MTUS2: variants seen among roughly 807,000 people sequenced by gnomAD.
MTUS2 encodes the protein microtubule-associated tumor suppressor candidate 2.
A neutral mutation model predicts 114.1 loss-of-function variants in MTUS2; 40 were observed. The observed-to-expected ratio is 0.35, with a 90% CI of 0.27 to 0.46. MTUS2 has a LOEUF of 0.46. Among genes scored for constraint, MTUS2 ranks in the 20% least tolerant of loss-of-function variants. The pLI, the probability that MTUS2 is intolerant of heterozygous loss-of-function variation, is 1.00. For missense variants in MTUS2, 1,679 were observed against 1,705.4 expected, an observed-to-expected ratio of 0.98 and a Z score of 0.27; for synonymous variants, 688 against 672.0, an observed-to-expected ratio of 1.02 and a Z score of -0.37.
At chr13:29,372,938 G>C (rs1871309593) in intron 8 of MTUS2, among the ~76,000 whole-genome samples, 1 of 152,178 alleles carries the variant, frequency 6.6e-6, no homozygotes, top group Non-Finnish European at 1.5e-5. Context: ...AGCTATTTGA[G>C]AACTTAAAAG....
At chr13:29,068,582 G>A (rs528679385) in intron 4 of MTUS2, among the ~76,000 whole-genome samples, 24 of 152,316 alleles carry the variant, frequency 1.6e-4, no homozygotes, top group Non-Finnish European at 3.2e-4. Context: ...CCATGTAATT[G>A]ACTGTTGTGA....
intron 1 of MTUS2, among the ~76,000 whole-genome samples, chr13:28,833,620 C>G (rs1443000004): frequency 6.6e-6 from 1 of 152,098 alleles, no homozygotes; most frequent in Non-Finnish European, 1.5e-5. Context: ...TTGTGAAAGA[C>G]TGTTTTCCTC....
intron 6 of MTUS2, among the ~76,000 whole-genome samples, chr13:29,321,346 G>A (rs1326339311): frequency 6.6e-6 from 1 of 152,180 alleles, no homozygotes; most frequent in Non-Finnish European, 1.5e-5. Context: ...AGCATTTCTA[G>A]ACACTCAGGG....
intron 6 of MTUS2, among the ~76,000 whole-genome samples, chr13:29,321,993 A>G (rs984161480): frequency 2.0e-5 from 3 of 152,214 alleles, no homozygotes; most frequent in African/African-American, 7.2e-5. Flanking sequence ...CCTGGTTTGA[A>G]TATGCCACAG....
intron 7 of MTUS2, 84 bp from the exon 8 acceptor site, chr13:29,359,178 C>T: frequency 1.6e-6 from 2 of 1,285,984 alleles, no homozygotes; most frequent in South Asian, 1.5e-5. Flanking sequence ...ACTTGAAGAA[C>T]TCCTTGTGTA....
In MTUS2 at chr13:29,283,210, C is replaced by G. The variant is rs116238476; in HGVS notation, c.2806+1345C>G. Among the ~76,000 whole-genome samples, 361 of 152,330 alleles carry G rather than the reference C, an allele frequency of 2.4e-3. 2 individuals are homozygous for G. The highest frequency in any genetic ancestry group is 8.4e-3 in the African/African-American group (349 of 41,578). ...CTTTTACTTTGCATCTCCCTGACCACTAGACTAGCTGGAACCTCTTGCTCT... is the reference window on the plus strand; with the variant it reads ...CTTTTACTTTGCATCTCCCTGACCAGTAGACTAGCTGGAACCTCTTGCTCT... On this transcript the variant is annotated intron_variant, in intron 6 of 15. Coordinates refer to ENST00000612955, the MANE Select transcript of MTUS2 (RefSeq NM_001033602.4).
intron 2 of MTUS2, among the ~76,000 whole-genome samples, chr13:28,879,390 AT>A (rs1878151170): frequency 6.6e-6 from 1 of 152,190 alleles, no homozygotes; most frequent in Non-Finnish European, 1.5e-5. Flanking sequence ...GTGGGAAGCA[AT>A]TTAATTACTA....
At chr13:29,330,190 A>G (rs1457872543) in intron 7 of MTUS2, among the ~76,000 whole-genome samples, 2 of 151,958 alleles carry the variant, frequency 1.3e-5, no homozygotes, top group African/African-American at 4.8e-5. Context: ...GCATTTCGCT[A>G]ATGACCAGCT....
At chr13:28,947,245 C>T (rs1272383416) in intron 2 of MTUS2, among the ~76,000 whole-genome samples, 1 of 152,008 alleles carries the variant, frequency 6.6e-6, no homozygotes, top group Admixed American at 6.6e-5. Context: ...AAGAGTGTCG[C>T]TGCTTGAAAG....
At chr13:28,889,092 G>A (rs889288303) in intron 2 of MTUS2, among the ~76,000 whole-genome samples, 2 of 152,090 alleles carry the variant, frequency 1.3e-5, no homozygotes, top group Non-Finnish European at 2.9e-5. Flanking sequence ...GAATCCATTT[G>A]TTTTAATTTC....
chr13:28,918,329 A>G (rs1880858445), intron 2 of MTUS2, among the ~76,000 whole-genome samples: 1 of 151,998 alleles, frequency 6.6e-6, no homozygotes. Flanking sequence ...AGCTCCAATA[A>G]TATTAGCTTT....
intron 8 of MTUS2, among the ~76,000 whole-genome samples, chr13:29,387,610 T>G (rs1043124969): frequency 2.0e-5 from 3 of 152,104 alleles, no homozygotes; most frequent in African/African-American, 7.2e-5. Context: ...CGAGGGGCTG[T>G]TAAAGGAACA....
chr13:29,071,409 ATTTTTTTTTTTTT>A (rs751020009), intron 4 of MTUS2, among the ~76,000 whole-genome samples: 72 of 46,148 alleles, frequency 1.6e-3, no homozygotes, highest in African/African-American at 6.5e-3. Flanking sequence ...TGTTGCTTGA[ATTTTTTTTTTTTT>A]TTTTTTTTTT....
At chr13:29,266,423 CA>C (rs1200549293) in intron 5 of MTUS2, among the ~76,000 whole-genome samples, 3 of 152,022 alleles carry the variant, frequency 2.0e-5, no homozygotes, top group Non-Finnish European at 4.4e-5. Flanking sequence ...ACAATGAAGC[CA>C]AAGTAAAAAC....
At chr13:29,425,057 A>G (rs765108234) in intron 8 of MTUS2, among the ~76,000 whole-genome samples, 2 of 152,228 alleles carry the variant, frequency 1.3e-5, no homozygotes, top group Non-Finnish European at 2.9e-5. Flanking sequence ...GAAAATGTTC[A>G]TAATTTTTAG....
intron 2 of MTUS2, among the ~76,000 whole-genome samples, chr13:28,967,100 G>A (rs1280914767): frequency 6.6e-6 from 1 of 152,180 alleles, no homozygotes; most frequent in African/African-American, 2.4e-5. Flanking sequence ...CACTATACTT[G>A]CAATGTGTGA....
At chr13:29,224,869 A>G (rs546393952) in intron 5 of MTUS2, among the ~76,000 whole-genome samples, 42 of 152,314 alleles carry the variant, frequency 2.8e-4, no homozygotes, top group African/African-American at 8.7e-4. Context: ...GGAGACTCCA[A>G]TCCAGAATGA....
intron 5 of MTUS2, among the ~76,000 whole-genome samples, chr13:29,253,552 T>C (rs181857591): frequency 1.4e-3 from 212 of 152,352 alleles, no homozygotes; most frequent in African/African-American, 5.0e-3. Flanking sequence ...TGAGCTCTTT[T>C]ATTTATTCCT....
At chr13:29,160,157 T>G (rs1263199604) in intron 5 of MTUS2, among the ~76,000 whole-genome samples, 1 of 152,192 alleles carries the variant, frequency 6.6e-6, no homozygotes, top group African/African-American at 2.4e-5. Flanking sequence ...AGACTGCTAC[T>G]TAGCGGTAAT....
Sources: allele counts gnomAD v4.1 joint callset (sites outside exome capture counted in the v4.1 genomes callset), GRCh38; gene constraint gnomAD v4.1.1; transcripts MANE v1.5; gene names NCBI Gene and HGNC (gene_info 2026-07-23, HGNC 2026-07-21).